AGPAT5: variants seen among roughly 807,000 people sequenced by gnomAD.
The protein encoded by AGPAT5 is 1-acyl-sn-glycerol-3-phosphate acyltransferase epsilon.
In AGPAT5, 46 loss-of-function variants were observed where a neutral mutation model predicts 45.6. That is an observed-to-expected ratio of 1.01 (90% CI 0.80 to 1.29). The LOEUF is 1.29. AGPAT5 is among the 50% of genes most tolerant of loss of function. The pLI is 0.00. For synonymous variants in AGPAT5, 272 were observed against 167.0 expected, an observed-to-expected ratio of 1.63 and a Z score of -4.85; for missense variants, 673 against 450.7, an observed-to-expected ratio of 1.49 and a Z score of -4.47.
At chr8:6,743,829 T>G (rs998424751) in intron 5 of AGPAT5, among the ~76,000 whole-genome samples, 1 of 152,004 alleles carries the variant, frequency 6.6e-6, no homozygotes, top group African/African-American at 2.4e-5. Context: ...GGTGACATAC[T>G]TAAGCTTTTT....
At chr8:6,718,768 A>T (rs1800410442) in intron 1 of AGPAT5, among the ~76,000 whole-genome samples, 1 of 152,338 alleles carries the variant, frequency 6.6e-6, no homozygotes, top group South Asian at 2.1e-4. Flanking sequence ...TCAGTCAGAG[A>T]ACTTGCTAGG....
chr8:6,734,419 C>T (rs767818252), intron 4 of AGPAT5, among the ~76,000 whole-genome samples: 8 of 152,170 alleles, frequency 5.3e-5, no homozygotes, highest in East Asian at 3.9e-4. Context: ...TCTGCTACTG[C>T]GTGTTTCATT....
intron 1 of AGPAT5, among the ~76,000 whole-genome samples, chr8:6,717,183 C>T (rs1427409604): frequency 1.3e-5 from 2 of 152,160 alleles, no homozygotes; most frequent in East Asian, 3.9e-4. Context: ...AATTTTTGAG[C>T]CTATGCAATT....
At chr8:6,709,008 G>C (rs776352644) in intron 1 of AGPAT5, 121 bp downstream of exon 1, 1 of 935,522 alleles carries the variant, frequency 1.1e-6, no homozygotes. Flanking sequence ...AGCACGGAGA[G>C]CACGTGCCGC....
At chr8:6,753,530 C>A (rs1328014331) in intron 6 of AGPAT5, among the ~76,000 whole-genome samples, 3 of 152,116 alleles carry the variant, frequency 2.0e-5, no homozygotes, top group Non-Finnish European at 4.4e-5. Context: ...GTGTGCCAAG[C>A]ACTCCTGTAG....
At chr8:6,714,081 G>A (rs1800243188) in intron 1 of AGPAT5, among the ~76,000 whole-genome samples, 1 of 152,172 alleles carries the variant, frequency 6.6e-6, no homozygotes, top group Non-Finnish European at 1.5e-5. Flanking sequence ...TCCCTTTTAT[G>A]ACACTTCTAC....
chr8:6,725,615 G>A (rs957053180), intron 2 of AGPAT5, among the ~76,000 whole-genome samples: 1 of 152,150 alleles, frequency 6.6e-6, no homozygotes, highest in African/African-American at 2.4e-5. Context: ...AGCAGAATCA[G>A]GAAATTGTCA....
In AGPAT5 at chr8:6,761,120, C is replaced by T. The variant is rs529269528; in HGVS notation, c.*3732C>T. Among the ~76,000 whole-genome samples the T allele has an allele frequency of 6.6e-6, 1 of 152,158 alleles. No homozygotes were observed. Among genetic ancestry groups the T allele is most frequent in the African/African-American group, 2.4e-5 (1 of 41,486 alleles). On this transcript the variant is annotated 3_prime_UTR_variant, in exon 8 of 8. Coordinates refer to ENST00000285518, the MANE Select transcript of AGPAT5 (RefSeq NM_018361.5). ...TATAATAATAGCTGGTTATCCTGAGCAGGGGAAAAGGTTATTTTTAGGAAA... is the reference window on the plus strand; with the variant it reads ...TATAATAATAGCTGGTTATCCTGAGTAGGGGAAAAGGTTATTTTTAGGAAA...
intron 1 of AGPAT5, among the ~76,000 whole-genome samples, chr8:6,716,725 T>C (rs897442370): frequency 5.9e-5 from 9 of 152,008 alleles, no homozygotes; most frequent in Admixed American, 5.2e-4. Context: ...CTCAGCTACA[T>C]GGGAGGCTGA....
At chr8:6,712,020 G>T (rs1563279555) in intron 1 of AGPAT5, among the ~76,000 whole-genome samples, 1 of 152,160 alleles carries the variant, frequency 6.6e-6, no homozygotes, top group Non-Finnish European at 1.5e-5. Flanking sequence ...CACATTTTTT[G>T]AGGGGCTGCC....
chr8:6,750,842 G>A (rs1005890774), intron 6 of AGPAT5, among the ~76,000 whole-genome samples: 1 of 151,936 alleles, frequency 6.6e-6, no homozygotes, highest in East Asian at 1.9e-4. Flanking sequence ...ATGCAATGTA[G>A]TACAAACCTT....
chr8:6,731,367 C>T (rs1171400804), intron 3 of AGPAT5, among the ~76,000 whole-genome samples: 1 of 152,122 alleles, frequency 6.6e-6, no homozygotes, highest in Non-Finnish European at 1.5e-5. Flanking sequence ...ATACCAAAAT[C>T]TAAGGTGTTC....
chr8:6,723,146 C>T (rs910691627), intron 1 of AGPAT5, among the ~76,000 whole-genome samples: 3 of 152,102 alleles, frequency 2.0e-5, no homozygotes, highest in Non-Finnish European at 2.9e-5. Flanking sequence ...TGAGGTATAG[C>T]TTTGCCTACT....
rs185381706 is a variant in AGPAT5 at position 6,735,712 on chromosome 8, A to G, written c.495+3062A>G. ...TTGTTGTTGTTGTAGGGTTGGCAGTAGTATTCCTTCAGCATTCTACATACT... is the reference window on the plus strand; with the variant it reads ...TTGTTGTTGTTGTAGGGTTGGCAGTGGTATTCCTTCAGCATTCTACATACT... On this transcript the variant is annotated intron_variant, in intron 4 of 7. Coordinates refer to ENST00000285518, the MANE Select transcript of AGPAT5 (RefSeq NM_018361.5). 6.0e-3 allele frequency among the ~76,000 whole-genome samples: 916 copies of G among 152,322 alleles called. 7 individuals are homozygous for G. The highest frequency in any genetic ancestry group is 9.2e-3 in the Non-Finnish European group (628 of 68,034).
chr8:6,752,004 C>T (rs551454640), intron 6 of AGPAT5, among the ~76,000 whole-genome samples: 2 of 151,828 alleles, frequency 1.3e-5, no homozygotes, highest in East Asian at 3.9e-4. Flanking sequence ...CGGTGAAATC[C>T]CATCTCTACT....
At chr8:6,717,045 A>G (rs1800356736) in intron 1 of AGPAT5, among the ~76,000 whole-genome samples, 1 of 152,224 alleles carries the variant, frequency 6.6e-6, no homozygotes, top group Non-Finnish European at 1.5e-5. Context: ...AAGGAGGAAG[A>G]AACATGACTC....
intron 7 of AGPAT5, 45 bp downstream of exon 7, chr8:6,755,219 A>G: frequency 1.9e-6 from 3 of 1,573,734 alleles, no homozygotes; most frequent in Non-Finnish European, 1.7e-6. Flanking sequence ...CGGTTCAACT[A>G]GATTTCAGTA....
chr8:6,757,400 T>C lies in AGPAT5; in HGVS notation c.*12T>C. Reference sequence around the variant, plus strand: ...CTATTAAAGCATAGACAAGTAGCTGTCTCCAGACAGTGGGATGTGCTACAT... The same window carrying C: ...CTATTAAAGCATAGACAAGTAGCTGCCTCCAGACAGTGGGATGTGCTACAT... On this transcript the variant is annotated 3_prime_UTR_variant, in exon 8 of 8. Coordinates refer to ENST00000285518, the MANE Select transcript of AGPAT5 (RefSeq NM_018361.5). The C allele has an allele frequency of 6.2e-7, 1 of 1,607,700 alleles. No individual in the cohort carries two copies.
At chr8:6,740,469 CAT>C (rs1801211739) in intron 4 of AGPAT5, among the ~76,000 whole-genome samples, 1 of 148,014 alleles carries the variant, frequency 6.8e-6, no homozygotes, top group South Asian at 2.1e-4. Context: ...TATAATTATA[CAT>C]ATAAATTATT....
Sources: gnomAD v4.1 joint callset for allele counts (sites outside exome capture counted in the v4.1 genomes callset) on GRCh38, gnomAD v4.1.1 for gene constraint, MANE v1.5 for transcripts, NCBI Gene and HGNC (gene_info 2026-07-23, HGNC 2026-07-21) for gene names.